NCKAP5: variants seen among roughly 807,000 people sequenced by gnomAD.
The protein encoded by NCKAP5 is nck-associated protein 5.
A neutral mutation model predicts 167.0 loss-of-function variants in NCKAP5; 92 were observed. That is an observed-to-expected ratio of 0.55 (90% CI 0.47 to 0.66). NCKAP5 has a LOEUF of 0.66. NCKAP5 is among the 30% of genes least tolerant of loss of function. The pLI is 0.00. For synonymous variants in NCKAP5, 891 were observed against 877.4 expected (o/e 1.02, Z -0.27); for missense variants, 2,378 against 2,315.0 (o/e 1.03, Z -0.56).
At chr2:132,712,161 C>A in intron 19 of NCKAP5, among the ~76,000 whole-genome samples, 1 of 152,146 alleles carries the variant, frequency 6.6e-6, no homozygotes, top group East Asian at 1.9e-4. Context: ...TTCTGCTAAC[C>A]AGCTGTAGGG....
intron 7 of NCKAP5, among the ~76,000 whole-genome samples, chr2:132,974,743 A>T (rs1185489334): frequency 6.6e-6 from 1 of 152,236 alleles, no homozygotes; most frequent in Non-Finnish European, 1.5e-5. Flanking sequence ...CAAGGCTCCC[A>T]GGCCATTCCT....
At chr2:132,929,574 C>T (rs763355284) in intron 8 of NCKAP5, among the ~76,000 whole-genome samples, 32 of 152,142 alleles carry the variant, frequency 2.1e-4, no homozygotes, top group Non-Finnish European at 4.6e-4. Flanking sequence ...AAGCTATGTA[C>T]AGAGTTGAAT....
At chr2:132,895,148 G>T (rs572669288) in intron 8 of NCKAP5, among the ~76,000 whole-genome samples, 4 of 151,928 alleles carry the variant, frequency 2.6e-5, no homozygotes, top group Non-Finnish European at 5.9e-5. Flanking sequence ...TGGCTAACAC[G>T]GTGAAACCCC....
intron 3 of NCKAP5, among the ~76,000 whole-genome samples, chr2:133,369,271 A>C (rs542777560): frequency 6.6e-6 from 1 of 152,326 alleles, no homozygotes; most frequent in South Asian, 2.1e-4. Context: ...TCAGGTGCAG[A>C]ACTATCGAAG....
chr2:133,563,439 C>T (rs1203970040), intron 1 of NCKAP5, among the ~76,000 whole-genome samples: 2 of 151,646 alleles, frequency 1.3e-5, no homozygotes, highest in Non-Finnish European at 2.9e-5. Context: ...TGTGGTGGCA[C>T]ATGCCTGTAA....
intron 3 of NCKAP5, among the ~76,000 whole-genome samples, chr2:133,413,645 TG>T (rs1688917301): frequency 6.6e-6 from 1 of 151,734 alleles, no homozygotes; most frequent in South Asian, 2.1e-4. Context: ...AATCAGAAGA[TG>T]TCACATTTTT....
At chr2:133,312,189 G>C (rs1681285568) in intron 3 of NCKAP5, among the ~76,000 whole-genome samples, 1 of 152,148 alleles carries the variant, frequency 6.6e-6, no homozygotes, top group Admixed American at 6.6e-5. Flanking sequence ...TCATCAGTAT[G>C]AATTAACAGT....
chr2:133,191,610 C>T (rs894387017), intron 5 of NCKAP5, among the ~76,000 whole-genome samples: 103 of 152,228 alleles, frequency 6.8e-4, no homozygotes, highest in Admixed American at 1.1e-3. Context: ...GAGTTCATGT[C>T]CTTTGTAGGG....
chr2:133,634,798 T>C, the NCKAP5 span, among the ~76,000 whole-genome samples: 1 of 152,168 alleles, frequency 6.6e-6, no homozygotes, highest in South Asian at 2.1e-4. Context: ...GGGACATACA[T>C]TTAAAAATTA....
intron 3 of NCKAP5, among the ~76,000 whole-genome samples, chr2:133,481,055 C>T (rs773295984): frequency 6.6e-5 from 10 of 152,166 alleles, no homozygotes; most frequent in Non-Finnish European, 1.2e-4. Flanking sequence ...CTATATCATA[C>T]CATTGGATAA....
At position 133,243,720 on chromosome 2, in the gene NCKAP5, C is replaced by T. The variant is rs746774098; in HGVS notation, c.144-29941G>A. Among the ~76,000 whole-genome samples the T allele has an allele frequency of 1.6e-3, 248 of 152,326 alleles. 1 individual carries two copies. Among genetic ancestry groups the T allele is most frequent in the Middle Eastern group, 3.4e-3 (1 of 294 alleles). ...AGAATACACATGAATGTACTTCTAA[C>T]TAAGGCTGCGAGGAGTAATAATGCC... On this transcript the variant is annotated intron_variant, in intron 4 of 19. Transcript: ENST00000409261.
At chr2:133,317,276 G>T (rs1233204066) in intron 3 of NCKAP5, among the ~76,000 whole-genome samples, 1 of 152,100 alleles carries the variant, frequency 6.6e-6, no homozygotes, top group Non-Finnish European at 1.5e-5. Context: ...ATGAAGATGA[G>T]GACTGAACTG....
intron 3 of NCKAP5, among the ~76,000 whole-genome samples, chr2:133,368,060 A>G (rs1193289148): frequency 6.6e-6 from 1 of 152,206 alleles, no homozygotes; most frequent in African/African-American, 2.4e-5. Flanking sequence ...TCAAAGCTCC[A>G]TACAGAAGGT....
chr2:133,518,344 A>ATTTTTTTTTTTTT (rs751025050), intron 2 of NCKAP5, among the ~76,000 whole-genome samples: 3 of 74,616 alleles, frequency 4.0e-5, no homozygotes, highest in Non-Finnish European at 4.9e-5. Context: ...ACAGTAAAGG[A>ATTTTTTTTTTTTT]TTTTTTTTTT....
At chr2:132,838,706 C>T (rs992398154) in intron 11 of NCKAP5, among the ~76,000 whole-genome samples, 2 of 152,120 alleles carry the variant, frequency 1.3e-5, no homozygotes, top group African/African-American at 4.8e-5. Context: ...CTGTTTCTCT[C>T]TTGTGGGCTA....
intron 3 of NCKAP5, among the ~76,000 whole-genome samples, chr2:133,343,278 T>C (rs1425285752): frequency 6.6e-6 from 1 of 152,128 alleles, no homozygotes; most frequent in Non-Finnish European, 1.5e-5. Flanking sequence ...TCCCAGGGTT[T>C]CCAGATTAAT....
At chr2:132,996,403 A>G (rs1285823244) in intron 6 of NCKAP5, among the ~76,000 whole-genome samples, 2 of 152,212 alleles carry the variant, frequency 1.3e-5, no homozygotes, top group Non-Finnish European at 2.9e-5. Flanking sequence ...TAAAGGAAAC[A>G]CACCCATTCC....
chr2:133,266,697 G>A (rs1440162097), intron 4 of NCKAP5, among the ~76,000 whole-genome samples: 2 of 152,192 alleles, frequency 1.3e-5, no homozygotes, highest in African/African-American at 4.8e-5. Flanking sequence ...CGCAGCCCGG[G>A]CACCTCGCGC....
At chr2:132,786,180 G>T (rs1683552307) in intron 13 of NCKAP5, among the ~76,000 whole-genome samples, 1 of 152,178 alleles carries the variant, frequency 6.6e-6, no homozygotes, top group African/African-American at 2.4e-5. Flanking sequence ...GGTTAAAAGT[G>T]GGGGAAATGT....
Sources: gnomAD v4.1 joint callset for allele counts (sites outside exome capture counted in the v4.1 genomes callset) on GRCh38, gnomAD v4.1.1 for gene constraint, MANE v1.5 for transcripts, NCBI Gene and HGNC (gene_info 2026-07-23, HGNC 2026-07-21) for gene names.